POLQ: variants seen among roughly 807,000 people sequenced by gnomAD.
POLQ encodes the protein DNA polymerase theta, also known as epididymis secretory sperm binding protein.
A neutral mutation model predicts 259.2 loss-of-function variants in POLQ; 233 were observed. The observed-to-expected ratio is 0.90, with a 90% confidence interval of 0.81 to 1.00. POLQ has a LOEUF of 1.00. POLQ is among the 50% of genes least tolerant of loss of function. The pLI, the probability that POLQ is intolerant of heterozygous loss-of-function variation, is 0.00. For synonymous variants in POLQ, 1,025 were observed against 1,048.8 expected, an observed-to-expected ratio of 0.98 and a Z score of 0.44; for missense variants, 2,871 against 3,051.6, an observed-to-expected ratio of 0.94 and a Z score of 1.39.
chr3:121,538,663 C>T (rs941944967), intron 4 of POLQ, among the ~76,000 whole-genome samples: 1 of 151,366 alleles, frequency 6.6e-6, no homozygotes, highest in African/African-American at 2.4e-5. Context: ...GCACTTACTA[C>T]GAGTCTATTG....
chr3:121,541,014 G>A (rs1001796625), intron 3 of POLQ, among the ~76,000 whole-genome samples: 1 of 151,666 alleles, frequency 6.6e-6, no homozygotes, highest in South Asian at 2.1e-4. Context: ...CCGAGTAGCT[G>A]GAATTACAGG....
intron 24 of POLQ, among the ~76,000 whole-genome samples, chr3:121,465,531 T>G (rs1053342511): frequency 2.0e-5 from 3 of 152,176 alleles, no homozygotes; most frequent in Non-Finnish European, 4.4e-5. Context: ...GTTTTTTTCT[T>G]AAAGAAATTA....
chr3:121,535,166 T>C (rs2048441360), intron 5 of POLQ, among the ~76,000 whole-genome samples: 1 of 152,146 alleles, frequency 6.6e-6, no homozygotes, highest in South Asian at 2.1e-4. Context: ...CTCCCTTAAC[T>C]GAAAAGAATC....
chr3:121,460,264 G>A, intron 24 of POLQ, 30 bp from the exon 25 acceptor site: 3 of 1,547,078 alleles, frequency 1.9e-6, no homozygotes, highest in Non-Finnish European at 2.7e-6. Context: ...AGAAAAGCTA[G>A]TACAAAGTTT....
chr3:121,442,168 G>T (rs2047597849), intron 26 of POLQ, among the ~76,000 whole-genome samples: 1 of 151,942 alleles, frequency 6.6e-6, no homozygotes, highest in South Asian at 2.1e-4. Flanking sequence ...TTTAATTTTT[G>T]TGGGTATATA....
chr3:121,478,761 A>G (rs934067075), intron 19 of POLQ, among the ~76,000 whole-genome samples: 6 of 152,266 alleles, frequency 3.9e-5, no homozygotes, highest in Admixed American at 3.3e-4. Flanking sequence ...AAGAATAAAA[A>G]TCATTATTTG....
chr3:121,536,640 A>G (rs957071899), intron 5 of POLQ, among the ~76,000 whole-genome samples: 10 of 152,148 alleles, frequency 6.6e-5, no homozygotes, highest in African/African-American at 2.4e-4. Flanking sequence ...TTGCAACCTG[A>G]AATACTTTTT....
intron 7 of POLQ, among the ~76,000 whole-genome samples, chr3:121,529,297 T>C (rs1432880525): frequency 6.6e-6 from 1 of 152,204 alleles, no homozygotes; most frequent in African/African-American, 2.4e-5. Flanking sequence ...AAAGATATGG[T>C]TACTTTCCCC....
chr3:121,506,588 C>T (rs1021937780), intron 12 of POLQ, among the ~76,000 whole-genome samples: 3 of 152,210 alleles, frequency 2.0e-5, no homozygotes, highest in Admixed American at 2.0e-4. Flanking sequence ...ATACTCTCTA[C>T]TTGTGAAGCT....
At chr3:121,512,165 G>T in intron 9 of POLQ, 136 bp from the exon 10 acceptor site, 1 of 687,384 alleles carries the variant, frequency 1.5e-6, no homozygotes, top group Non-Finnish European at 2.3e-6. Context: ...TAAAATTATG[G>T]CTATTTTTTG....
At chr3:121,539,677 G>A in intron 3 of POLQ, 88 bp from the exon 4 acceptor site, 1 of 948,152 alleles carries the variant, frequency 1.1e-6, no homozygotes, top group Admixed American at 2.4e-5. Context: ...ATAGACATAA[G>A]TATCTAAAGA....
intron 25 of POLQ, among the ~76,000 whole-genome samples, chr3:121,458,156 G>A (rs1338924244): frequency 6.6e-6 from 1 of 151,914 alleles, no homozygotes. Flanking sequence ...AACACCGCAT[G>A]TTCTCACTCA....
At chr3:121,536,682 T>C (rs1439954679) in intron 5 of POLQ, among the ~76,000 whole-genome samples, 1 of 152,246 alleles carries the variant, frequency 6.6e-6, no homozygotes, top group Non-Finnish European at 1.5e-5. Context: ...TCTTGCTCTG[T>C]TGCCCAGGCT....
At chr3:121,456,635 T>A (rs2047741131) in intron 25 of POLQ, among the ~76,000 whole-genome samples, 1 of 151,460 alleles carries the variant, frequency 6.6e-6, no homozygotes, top group Non-Finnish European at 1.5e-5. Flanking sequence ...CATTCACAAT[T>A]GCTTCAAAGA....
At chr3:121,473,727 C>CTTTTTT (rs10636473) in intron 20 of POLQ, among the ~76,000 whole-genome samples, 3 of 114,256 alleles carry the variant, frequency 2.6e-5, no homozygotes, top group African/African-American at 3.3e-5. Flanking sequence ...AACACAAGGC[C>CTTTTTT]TTTTTTTTTT....
rs2108797443 is a variant in POLQ at position 121,487,755 on chromosome 3, T to A, written c.5176A>T (p.Ser1726Cys). Residue 1726 changes from serine to cysteine, a missense_variant, in exon 16 of 30, where the codon AGT (serine) becomes TGT (cysteine). Transcript: ENST00000264233. Reference protein sequence around the residue: ...ETSSLLPRKESNIVDDNGLIP... With the variant: ...ETSSLLPRKECNIVDDNGLIP... ...AGACCATTATCATCAACTATATTAC[T>A]TTCTTTACGAGGTAAGAGGGATGAG... The A allele has an allele frequency of 1.2e-6, 2 of 1,613,156 alleles. No homozygotes were observed. The highest frequency in any genetic ancestry group is 1.6e-4 in the Middle Eastern group (1 of 6,062).
Position 121,489,956 on chromosome 3 carries a change from G to A in POLQ, c.2975C>T (p.Ala992Val). Reference sequence around the variant, plus strand: ...CTTCTCTTTATTTATATCTAAAGAGGCCCGTTTTCTTGCTCTGAAAATGGA... The same window carrying A: ...CTTCTCTTTATTTATATCTAAAGAGACCCGTTTTCTTGCTCTGAAAATGGA... ...TCSIFRARKR[A>V]SLDINKEKPG... Residue 992 changes from alanine to valine, a missense_variant, in exon 16 of 30, where the codon GCC (alanine) becomes GTC (valine). Physicochemically the swap from Ala to Val is moderately conservative, Grantham distance 64. Transcript: ENST00000264233. The A allele has an allele frequency of 6.3e-7, 1 of 1,578,884 alleles. No individual in the cohort carries two copies. The highest frequency in any genetic ancestry group is 8.5e-7 in the Non-Finnish European group (1 of 1,169,846).
chr3:121,506,700 A>T (rs1462752322), intron 12 of POLQ, among the ~76,000 whole-genome samples: 1 of 152,158 alleles, frequency 6.6e-6, no homozygotes, highest in Non-Finnish European at 1.5e-5. Context: ...ATGGTTTTAC[A>T]TTTCACTCTT....
chr3:121,496,744 A>AG lies in POLQ; in HGVS notation c.2278+63dup, dbSNP rs1000556628. The AG allele has an allele frequency of 3.3e-6, 5 of 1,510,612 alleles. No homozygotes were observed. The African/African-American group carries it at 7.0e-5, about 21-fold the overall frequency. The allele number at this position is 1,510,612 out of a possible 1,614,324, so 93.6% of individuals were successfully genotyped here. A position where few individuals can be genotyped will look rare whatever the true frequency, so the allele number is the denominator to read the frequency against. On this transcript the variant is annotated intron_variant, in intron 14 of 29. Coordinates refer to ENST00000264233, the MANE Select transcript of POLQ (RefSeq NM_199420.4). ...CAATAAAATGGAATTTGAAAAAAAA[A>AG]GTAATCTTAACTCGACCTCAAATCA... is the stretch of plus-strand genomic sequence containing the variant.
Sources: allele counts gnomAD v4.1 joint callset (sites outside exome capture counted in the v4.1 genomes callset), GRCh38; gene constraint gnomAD v4.1.1; transcripts MANE v1.5; gene names NCBI Gene and HGNC (gene_info 2026-07-23, HGNC 2026-07-21).